ABCA12: variants seen among roughly 807,000 people sequenced by gnomAD.
The protein encoded by ABCA12 is glucosylceramide transporter ABCA12.
A neutral mutation model predicts 293.5 loss-of-function variants in ABCA12; 156 were observed. The ratio of observed to expected loss-of-function variants is 0.53; its 90% CI spans 0.47 to 0.61. ABCA12 has a LOEUF of 0.61. Among genes scored for constraint, ABCA12 ranks in the 20% least tolerant of loss-of-function variants. ABCA12 has a pLI of 0.00. For synonymous variants in ABCA12, 1,063 were observed against 1,108.0 expected (o/e 0.96, Z 0.81); for missense variants, 2,797 against 3,090.2 (o/e 0.91, Z 2.25).
At chr2:214,945,146 T>A in intron 48 of ABCA12, 42 bp from the exon 49 acceptor site, 4 of 1,509,190 alleles carry the variant, frequency 2.7e-6, no homozygotes, top group Non-Finnish European at 3.6e-6. Context: ...AATTAATTAA[T>A]TTTTGATGAA....
intron 39 of ABCA12, among the ~76,000 whole-genome samples, chr2:214,963,485 A>G (rs185688068): frequency 2.4e-3 from 362 of 152,026 alleles, no homozygotes; most frequent in Admixed American, 3.9e-3. Context: ...CTACCAGAGT[A>G]TAAAGAAGAG....
intron 3 of ABCA12, among the ~76,000 whole-genome samples, chr2:215,057,095 A>C (rs747651786): frequency 1.3e-5 from 2 of 152,054 alleles, no homozygotes; most frequent in Non-Finnish European, 2.9e-5. Context: ...GGACCATAAG[A>C]TCTGATGGCT....
chr2:214,970,260 C>T lies in ABCA12; in HGVS notation c.5690+13G>A, dbSNP rs202217871. On this transcript the variant is annotated intron_variant, in intron 37 of 52. Transcript: ENST00000272895. ...AGCAAGCAATTAAATATGTTATAAA[C>T]AGATTATTTTACCTTTTTTGGACAA... 73 of 1,609,682 alleles carry T rather than the reference C, an allele frequency of 4.5e-5. 1 individual carries two copies. The East Asian group carries it at 1.2e-3, about 26-fold the overall frequency.
At chr2:214,981,953 TATTATTA>T (rs1559128624) in intron 30 of ABCA12, among the ~76,000 whole-genome samples, 9 of 130,590 alleles carry the variant, frequency 6.9e-5, no homozygotes, top group African/African-American at 1.3e-4. Flanking sequence ...TTATTATTAT[TATTATTA>T]TTATTATTAT....
chr2:214,974,199 T>C (rs1180891688), intron 35 of ABCA12, among the ~76,000 whole-genome samples, 157 bp from the exon 36 acceptor site: 5 of 152,240 alleles, frequency 3.3e-5, no homozygotes, highest in African/African-American at 1.2e-4. Context: ...TGCTCCACCA[T>C]TTCCAAATGA....
chr2:215,040,595 G>A (rs1701078527), intron 7 of ABCA12, among the ~76,000 whole-genome samples: 1 of 152,146 alleles, frequency 6.6e-6, no homozygotes, highest in Admixed American at 6.5e-5. Context: ...GATCACCTGA[G>A]GTCAGGAGTT....
At chr2:215,094,674 G>A (rs763675752) in intron 2 of ABCA12, among the ~76,000 whole-genome samples, 17 of 152,002 alleles carry the variant, frequency 1.1e-4, no homozygotes, top group Non-Finnish European at 2.2e-4. Flanking sequence ...TCTCCTCCTA[G>A]CCCCTCCTCT....
At chr2:215,080,481 C>T (rs1701915794) in intron 2 of ABCA12, among the ~76,000 whole-genome samples, 1 of 149,578 alleles carries the variant, frequency 6.7e-6, no homozygotes, top group Non-Finnish European at 1.5e-5. Context: ...GCAGCCTGAG[C>T]AACAGAGCAA....
chr2:215,077,818 CTGGTTTT>C lies in ABCA12; in HGVS notation c.164-13606_164-13600del, dbSNP rs559787570. On this transcript the variant is annotated intron_variant, in intron 2 of 52. Coordinates refer to ENST00000272895, the MANE Select transcript of ABCA12 (RefSeq NM_173076.3). ...CATTTTACATATTTGCCCATCTCAG[CTGGTTTT>C]TGGAATCCGAGATCGGACCTTTTAT... 1.8e-3 allele frequency among the ~76,000 whole-genome samples: 280 copies of C among 152,306 alleles called. 1 individual carries two copies. Among genetic ancestry groups the C allele is most frequent in the African/African-American group, 6.2e-3 (259 of 41,560 alleles).
chr2:214,995,800 C>T (rs1700019871), intron 23 of ABCA12, among the ~76,000 whole-genome samples: 1 of 151,910 alleles, frequency 6.6e-6, no homozygotes, highest in African/African-American at 2.4e-5. Flanking sequence ...TAAATCGTGA[C>T]ACCCTATCAA....
chr2:215,026,352 A>C (rs1700744227), intron 10 of ABCA12, among the ~76,000 whole-genome samples: 2 of 152,238 alleles, frequency 1.3e-5, no homozygotes, highest in Non-Finnish European at 2.9e-5. Context: ...GAAAATTGCA[A>C]ATAAAGTGTG....
chr2:215,075,703 A>T, intron 2 of ABCA12: 1 of 601,106 alleles, frequency 1.7e-6, no homozygotes, highest in Non-Finnish European at 2.9e-6. Context: ...TTGATAACCC[A>T]TTAAAAGTAA....
intron 9 of ABCA12, among the ~76,000 whole-genome samples, chr2:215,027,461 T>G (rs1019788393): frequency 6.6e-6 from 1 of 152,232 alleles, no homozygotes; most frequent in Non-Finnish European, 1.5e-5. Context: ...CTTTTCTATG[T>G]GTACTATCTT....
At chr2:215,008,159 C>A (rs116651098) in intron 18 of ABCA12, among the ~76,000 whole-genome samples, 264 of 152,284 alleles carry the variant, frequency 1.7e-3, no homozygotes, top group African/African-American at 6.1e-3. Flanking sequence ...ACACACTTAA[C>A]TTTACTATTA....
At chr2:215,096,429 C>T (rs1702250924) in intron 2 of ABCA12, among the ~76,000 whole-genome samples, 1 of 152,132 alleles carries the variant, frequency 6.6e-6, no homozygotes, top group Admixed American at 6.6e-5. Context: ...AAATGGAAAT[C>T]ACAGTAATTA....
chr2:215,076,115 A>G (rs1208179596), intron 2 of ABCA12, among the ~76,000 whole-genome samples: 1 of 152,238 alleles, frequency 6.6e-6, no homozygotes, highest in Non-Finnish European at 1.5e-5. Context: ...GACAGGTAGC[A>G]AAACCCCATC....
Position 214,954,113 on chromosome 2 carries a change from A to G in ABCA12, c.6394-6T>C, listed in dbSNP as rs1285478297. On this transcript the variant is annotated splice_polypyrimidine_tract_variant and splice_region_variant and intron_variant, in intron 43 of 52. Transcript: ENST00000272895. Reference sequence around the variant, plus strand: ...TCAGAAATAAGTTCTAAAGTCTGAAATAAGAGAAATAAAAATAAAACTCAG... The same window carrying G: ...TCAGAAATAAGTTCTAAAGTCTGAAGTAAGAGAAATAAAAATAAAACTCAG... 1.2e-6 allele frequency: 2 copies of G among 1,612,870 alleles called. No individual in the cohort carries two copies. The highest frequency in any genetic ancestry group is 1.3e-5 in the African/African-American group (1 of 74,914).
chr2:214,938,803 GT>G (rs959321733), intron 50 of ABCA12, among the ~76,000 whole-genome samples: 19 of 151,706 alleles, frequency 1.3e-4, no homozygotes, highest in Admixed American at 1.1e-3. Flanking sequence ...TTTTTGATGG[GT>G]TTTTTTTGTT....
chr2:215,081,149 C>T (rs1168885258), intron 2 of ABCA12, among the ~76,000 whole-genome samples: 4 of 152,088 alleles, frequency 2.6e-5, no homozygotes, highest in Non-Finnish European at 5.9e-5. Flanking sequence ...TGTCAATTGA[C>T]TCTCTTTAGC....
Sources: allele counts gnomAD v4.1 joint callset (sites outside exome capture counted in the v4.1 genomes callset), GRCh38; gene constraint gnomAD v4.1.1; transcripts MANE v1.5; gene names NCBI Gene and HGNC (gene_info 2026-07-23, HGNC 2026-07-21).